The following SCFD1 variants were observed in gnomAD, a reference collection of about 807,000 sequenced individuals.
SCFD1 encodes the protein sec1 family domain containing 1.
SCFD1 carries 37 observed loss-of-function variants against 103.2 expected under a neutral mutation model. That is an observed-to-expected ratio of 0.36 (90% CI 0.28 to 0.47). The LOEUF is 0.47. Ranked by LOEUF, SCFD1 falls within the 20% of genes least tolerant of loss-of-function variation. The probability of loss-of-function intolerance (pLI) is 1.00; values close to 1 mark genes in which losing one functional copy is unlikely to be tolerated. For missense variants in SCFD1, 639 were observed against 761.2 expected (o/e 0.84, Z 1.89); for synonymous variants, 264 against 245.0 (o/e 1.08, Z -0.73).
At chr14:30,700,661 A>C (rs570324922) in intron 16 of SCFD1, among the ~76,000 whole-genome samples, 103 of 152,258 alleles carry the variant, frequency 6.8e-4, no homozygotes, top group African/African-American at 2.4e-3. Context: ...GTGACAGAGC[A>C]ATACTCCATC....
At chr14:30,628,056 A>G (rs1438153769) in intron 1 of SCFD1, among the ~76,000 whole-genome samples, 153 bp from the exon 2 acceptor site, 1 of 150,206 alleles carries the variant, frequency 6.7e-6, no homozygotes, top group Non-Finnish European at 1.5e-5. Flanking sequence ...GTCTTACAAG[A>G]TCTGACCCCT....
chr14:30,722,957 A>AT, intron 23 of SCFD1: 1 of 153,030 alleles, frequency 6.5e-6, no homozygotes. Flanking sequence ...ACAAACTTGG[A>AT]TTTTTTTGTT....
At chr14:30,730,193 C>T (rs181847179) in intron 23 of SCFD1, among the ~76,000 whole-genome samples, 1 of 152,242 alleles carries the variant, frequency 6.6e-6, no homozygotes, top group East Asian at 1.9e-4. Flanking sequence ...TGAACTCATC[C>T]TTTTTTATGG....
chr14:30,643,469 A>G (rs930686780), intron 7 of SCFD1, 64 bp downstream of exon 7: 2 of 1,106,870 alleles, frequency 1.8e-6, no homozygotes, highest in South Asian at 1.2e-5. Context: ...ATTTTAATGT[A>G]TTACACTGTA....
chr14:30,675,406 A>G lies in SCFD1; in HGVS notation c.1242+341A>G, dbSNP rs911226940. ...AATAGATTTGGAAATCTCTTTTACCAGAGTTCTATCTAAAATATCCATTAA... is the reference window on the plus strand; with the variant it reads ...AATAGATTTGGAAATCTCTTTTACCGGAGTTCTATCTAAAATATCCATTAA... On this transcript the variant is annotated intron_variant, in intron 14 of 24. Transcript: ENST00000458591. 50 of 167,936 alleles carry G rather than the reference A, an allele frequency of 3.0e-4. 1 individual carries two copies. The highest frequency in any genetic ancestry group is 1.2e-3 in the African/African-American group (49 of 42,298). The allele number at this position is 167,936 out of a possible 1,614,324, so 10.4% of individuals were successfully genotyped here.
chr14:30,664,187 TCAGGCAG>T lies in SCFD1; in HGVS notation c.856-6066_856-6060del, dbSNP rs1887705636. 3.3e-5 allele frequency among the ~76,000 whole-genome samples: 5 copies of T among 152,178 alleles called. No individual in the cohort carries two copies. The South Asian group carries it at 1.0e-3, about 32-fold the overall frequency. ...TGAGATGAAGCTTCCAGAGGAAGGA[TCAGGCAG>T]CAATATTTGTTGTTCTGCAACATTT... On this transcript the variant is annotated intron_variant, in intron 10 of 24. Transcript: ENST00000458591.
At chr14:30,724,388 G>A (rs1892896125) in intron 23 of SCFD1, among the ~76,000 whole-genome samples, 1 of 150,764 alleles carries the variant, frequency 6.6e-6, no homozygotes, top group Non-Finnish European at 1.5e-5. Flanking sequence ...AAGTAGCTGA[G>A]ATTACAGGCG....
intron 2 of SCFD1, among the ~76,000 whole-genome samples, chr14:30,630,013 A>G (rs1883936810): frequency 6.6e-6 from 1 of 152,158 alleles, no homozygotes; most frequent in Non-Finnish European, 1.5e-5. Flanking sequence ...TTTAGAAAAG[A>G]TATATGTGAA....
intron 10 of SCFD1, among the ~76,000 whole-genome samples, chr14:30,660,137 A>G (rs1049236678): frequency 1.3e-5 from 2 of 152,202 alleles, no homozygotes; most frequent in South Asian, 2.1e-4. Flanking sequence ...ACATCTATAC[A>G]TGGCATTAGT....
chr14:30,658,027 GA>G (rs1409285776), intron 10 of SCFD1: 3 of 450,634 alleles, frequency 6.7e-6, no homozygotes, highest in Non-Finnish European at 1.3e-5. Context: ...TGGGATATAA[GA>G]AGCAAAATTA....
chr14:30,622,421 C>T (rs1882932861), intron 1 of SCFD1, 22 bp downstream of exon 1: 2 of 1,550,680 alleles, frequency 1.3e-6, no homozygotes, highest in Non-Finnish European at 8.7e-7. Flanking sequence ...TTCTCTTCTC[C>T]TTGAAGCTTC....
intron 11 of SCFD1, among the ~76,000 whole-genome samples, chr14:30,672,367 C>G (rs1888632045): frequency 1.3e-5 from 2 of 152,074 alleles, no homozygotes; most frequent in South Asian, 4.1e-4. Flanking sequence ...TCCTCAGAAT[C>G]CTTTCTGAGC....
At chr14:30,698,032 A>G (rs1379788374) in intron 15 of SCFD1, among the ~76,000 whole-genome samples, 2 of 152,188 alleles carry the variant, frequency 1.3e-5, no homozygotes, top group South Asian at 2.1e-4. Context: ...CATTTTGCTA[A>G]TTGTTTTACT....
In SCFD1 at chr14:30,734,867, T is replaced by A. The variant is rs368975552; in HGVS notation, c.1905+9T>A. ...CACAGTTCATAAAACAGGTAAAGTA[T>A]ACATTTGTTGTTTGTTTCTGTTAAC... On this transcript the variant is annotated intron_variant, in intron 24 of 24. Coordinates refer to ENST00000458591, the MANE Select transcript of SCFD1 (RefSeq NM_016106.4). 1.9e-6 allele frequency: 3 copies of A among 1,600,440 alleles called. No homozygotes were observed. The highest frequency in any genetic ancestry group is 2.6e-6 in the Non-Finnish European group (3 of 1,167,792).
chr14:30,702,044 T>G (rs150463994), intron 16 of SCFD1, among the ~76,000 whole-genome samples: 6 of 152,300 alleles, frequency 3.9e-5, no homozygotes, highest in African/African-American at 1.2e-4. Flanking sequence ...TTGTTGGACT[T>G]GCTGAGAAAT....
chr14:30,730,666 G>GTATC (rs1400254793), intron 23 of SCFD1, among the ~76,000 whole-genome samples: 1 of 152,216 alleles, frequency 6.6e-6, no homozygotes, highest in African/African-American at 2.4e-5. Context: ...CTTTTTAGAA[G>GTATC]TATCTGTTCA....
intron 20 of SCFD1, among the ~76,000 whole-genome samples, chr14:30,716,864 T>C (rs1270254446): frequency 2.0e-5 from 3 of 152,150 alleles, no homozygotes; most frequent in Non-Finnish European, 4.4e-5. Context: ...AAAAGGGCAG[T>C]TAATATTAGG....
intron 18 of SCFD1, among the ~76,000 whole-genome samples, chr14:30,706,713 CTT>C (rs1266853446): frequency 6.6e-6 from 1 of 152,146 alleles, no homozygotes; most frequent in Non-Finnish European, 1.5e-5. Flanking sequence ...TCTGACTACT[CTT>C]TTTGGTACCA....
At chr14:30,645,203 G>C (rs554405614) in intron 7 of SCFD1, among the ~76,000 whole-genome samples, 42 of 152,174 alleles carry the variant, frequency 2.8e-4, no homozygotes, top group Admixed American at 5.9e-4. Context: ...GTCTGTTTTT[G>C]TACCATGCTG....
Sources: gnomAD v4.1 joint callset for allele counts (sites outside exome capture counted in the v4.1 genomes callset) on GRCh38, gnomAD v4.1.1 for gene constraint, MANE v1.5 for transcripts, NCBI Gene and HGNC (gene_info 2026-07-23, HGNC 2026-07-21) for gene names.